TENM3: variants seen among roughly 807,000 people sequenced by gnomAD.
TENM3 encodes the protein teneurin-3.
Under a neutral mutation model 255.1 loss-of-function variants are expected in TENM3, and 63 were observed. The observed-to-expected ratio is 0.25, with a 90% CI of 0.20 to 0.30. The LOEUF is 0.30. Among genes scored for constraint, TENM3 ranks in the 10% least tolerant of loss-of-function variants. The pLI, the probability that TENM3 is intolerant of heterozygous loss-of-function variation, is 1.00. For missense variants in TENM3, 2,929 were observed against 3,461.1 expected (o/e 0.85, Z 3.86); for synonymous variants, 1,306 against 1,322.3 (o/e 0.99, Z 0.27).
the TENM3 span, among the ~76,000 whole-genome samples, chr4:181,626,242 A>T: frequency 3.3e-5 from 5 of 152,168 alleles, no homozygotes; most frequent in African/African-American, 1.2e-4. Context: ...GGAACAGCAC[A>T]GCATGATTAA....
chr4:181,827,122 G>C, the TENM3 span, among the ~76,000 whole-genome samples: 15 of 152,056 alleles, frequency 9.9e-5, no homozygotes, highest in Non-Finnish European at 1.5e-4. Context: ...AAACAAACAA[G>C]GTCATGTACA....
chr4:182,548,648 A>G (rs1247859922), intron 3 of TENM3: 2 of 152,194 alleles, frequency 1.3e-5, no homozygotes, highest in East Asian at 3.8e-4. Flanking sequence ...AACAGACATC[A>G]ATAATGGATC....
In TENM3 at chr4:182,734,570, A is replaced by G. The variant is rs1294422284; in HGVS notation, c.2968-2238A>G. On this transcript the variant is annotated intron_variant, in intron 16 of 27. Coordinates refer to ENST00000511685, the MANE Select transcript of TENM3 (RefSeq NM_001080477.4). Reference sequence around the variant, plus strand: ...GGCCTCGCAATCACAATGGTAGTGGAAATGAAGAAGAGGGAACACATTAGA... The same window carrying G: ...GGCCTCGCAATCACAATGGTAGTGGGAATGAAGAAGAGGGAACACATTAGA... Among the ~76,000 whole-genome samples the G allele has an allele frequency of 2.0e-5, 3 of 152,184 alleles. No homozygotes were observed. The East Asian group carries it at 5.8e-4, about 29-fold the overall frequency.
chr4:182,075,892 A>AGTCTCG, the TENM3 span, among the ~76,000 whole-genome samples: 1 of 152,082 alleles, frequency 6.6e-6, no homozygotes, highest in African/African-American at 2.4e-5. Context: ...CTGCAGTCTC[A>AGTCTCG]CCTTAGTTCT....
At chr4:181,516,777 C>T in the TENM3 span, among the ~76,000 whole-genome samples, 1 of 146,066 alleles carries the variant, frequency 6.8e-6, no homozygotes, top group African/African-American at 2.6e-5. Context: ...ACTCCATCTC[C>T]AAAAAAAAAA....
At chr4:182,743,541 C>T in intron 19 of TENM3, 122 bp downstream of exon 19, 1 of 1,127,892 alleles carries the variant, frequency 8.9e-7, no homozygotes, top group Non-Finnish European at 1.2e-6. Context: ...AAAATTTCCC[C>T]CAGAAAGAAG....
intron 3 of TENM3, among the ~76,000 whole-genome samples, chr4:182,546,880 A>G (rs1423053853): frequency 1.3e-5 from 2 of 152,196 alleles, no homozygotes; most frequent in Admixed American, 6.5e-5. Context: ...AAAGCTGTTC[A>G]TATTGGAATC....
At chr4:181,801,610 G>T in the TENM3 span, among the ~76,000 whole-genome samples, 1 of 138,578 alleles carries the variant, frequency 7.2e-6, no homozygotes, top group Non-Finnish European at 1.6e-5. Flanking sequence ...CTCATGGCTT[G>T]CTTTTGTAAG....
intron 12 of TENM3, among the ~76,000 whole-genome samples, chr4:182,690,944 C>A (rs996934087): frequency 2.6e-5 from 4 of 152,158 alleles, no homozygotes; most frequent in Non-Finnish European, 4.4e-5. Flanking sequence ...AAATAAGGGA[C>A]CTGCTTCATT....
chr4:181,866,725 G>A, the TENM3 span, among the ~76,000 whole-genome samples: 6 of 152,098 alleles, frequency 3.9e-5, no homozygotes, highest in East Asian at 1.9e-4. Context: ...CCACTTTTCC[G>A]TATTAACCCT....
At chr4:181,522,237 A>G in the TENM3 span, among the ~76,000 whole-genome samples, 4 of 152,174 alleles carry the variant, frequency 2.6e-5, no homozygotes, top group African/African-American at 4.8e-5. Context: ...ACAAAATTTC[A>G]CATCAATGAG....
At chr4:182,067,540 T>C in the TENM3 span, among the ~76,000 whole-genome samples, 2 of 152,256 alleles carry the variant, frequency 1.3e-5, no homozygotes, top group East Asian at 3.9e-4. Context: ...CAACCCAAAG[T>C]AATAATTAAA....
intron 25 of TENM3, among the ~76,000 whole-genome samples, chr4:182,790,729 T>C (rs1766038903): frequency 6.6e-6 from 1 of 152,226 alleles, no homozygotes; most frequent in African/African-American, 2.4e-5. Context: ...GGCTTCGTTC[T>C]GGAGCAGTTT....
the TENM3 span, among the ~76,000 whole-genome samples, chr4:181,680,212 A>G: frequency 2.0e-5 from 3 of 152,102 alleles, no homozygotes; most frequent in African/African-American, 7.2e-5. Flanking sequence ...TACAGTCTAT[A>G]AACTAATGCT....
chr4:182,616,250 G>GATC (rs70956524), intron 4 of TENM3, among the ~76,000 whole-genome samples: 3,235 of 152,028 alleles, frequency 0.021, 72 homozygotes, highest in East Asian at 0.096. Flanking sequence ...GCGTCCATGT[G>GATC]ATCTCATTGT....
At chr4:181,658,082 C>T in the TENM3 span, among the ~76,000 whole-genome samples, 53 of 152,208 alleles carry the variant, frequency 3.5e-4, 1 homozygote, top group Admixed American at 2.6e-4. Flanking sequence ...GAAGCCCAAA[C>T]GTCAGCATCA....
At chr4:181,537,199 C>T in the TENM3 span, among the ~76,000 whole-genome samples, 1 of 152,156 alleles carries the variant, frequency 6.6e-6, no homozygotes, top group South Asian at 2.1e-4. Flanking sequence ...AGGGAGTCTA[C>T]ACCTTTGACA....
At chr4:182,256,470 C>T (rs1758406696) in intron 1 of TENM3, among the ~76,000 whole-genome samples, 1 of 152,174 alleles carries the variant, frequency 6.6e-6, no homozygotes, top group African/African-American at 2.4e-5. Flanking sequence ...TGTACATTTG[C>T]TGCTATATCC....
chr4:182,406,667 C>G (rs1410197627), intron 3 of TENM3, among the ~76,000 whole-genome samples: 1 of 152,176 alleles, frequency 6.6e-6, no homozygotes, highest in Non-Finnish European at 1.5e-5. Context: ...ATTTCCTCCC[C>G]CCAGTTTTAA....
Sources: allele counts gnomAD v4.1 joint callset (sites outside exome capture counted in the v4.1 genomes callset), GRCh38; gene constraint gnomAD v4.1.1; transcripts MANE v1.5; gene names NCBI Gene and HGNC (gene_info 2026-07-23, HGNC 2026-07-21).